Variants in FBXL7 observed in about 807,000 individuals in gnomAD.
FBXL7 encodes F-box and leucine rich repeat protein 7, also known as F-box/LRR-repeat protein 7.
In FBXL7, 12 loss-of-function variants were observed where a neutral mutation model predicts 38.3. That is an observed-to-expected ratio of 0.31 (90% confidence interval 0.20 to 0.51). The LOEUF (loss-of-function observed/expected upper bound fraction) is 0.51, where lower values mean the gene tolerates loss of function less well. Among genes scored for constraint, FBXL7 ranks in the 20% least tolerant of loss-of-function variants. The probability of loss-of-function intolerance (pLI) is 0.98; values close to 1 mark genes in which losing one functional copy is unlikely to be tolerated. For synonymous variants in FBXL7, 297 were observed against 300.9 expected (o/e 0.99, Z 0.13); for missense variants, 567 against 676.4 (o/e 0.84, Z 1.79).
chr5:15,505,687 T>C (rs185262391), intron 1 of FBXL7, among the ~76,000 whole-genome samples: 1 of 151,892 alleles, frequency 6.6e-6, no homozygotes, highest in East Asian at 1.9e-4. Flanking sequence ...TATTACATTT[T>C]AATTAGAGCA....
intron 1 of FBXL7, among the ~76,000 whole-genome samples, chr5:15,575,942 A>G (rs1738947507): frequency 6.6e-6 from 1 of 152,188 alleles, no homozygotes; most frequent in Non-Finnish European, 1.5e-5. Context: ...GGCCTTCAAA[A>G]ATACATTCTC....
At chr5:15,641,281 G>A (rs562552833) in intron 2 of FBXL7, among the ~76,000 whole-genome samples, 2 of 152,254 alleles carry the variant, frequency 1.3e-5, no homozygotes, top group South Asian at 4.1e-4. Flanking sequence ...CCCTACAGTT[G>A]GGTACATTTG....
intron 2 of FBXL7, among the ~76,000 whole-genome samples, chr5:15,729,706 A>T (rs994161107): frequency 6.6e-6 from 1 of 152,280 alleles, no homozygotes; most frequent in East Asian, 1.9e-4. Flanking sequence ...GTTACATGTG[A>T]TGTATGGAAA....
intron 1 of FBXL7, among the ~76,000 whole-genome samples, chr5:15,611,964 G>C (rs774973921): frequency 2.0e-5 from 3 of 151,636 alleles, no homozygotes; most frequent in Admixed American, 6.6e-5. Context: ...TTGGGTAACA[G>C]AGTGAGACAC....
intron 2 of FBXL7, among the ~76,000 whole-genome samples, chr5:15,840,183 C>T (rs1044464514): frequency 3.9e-5 from 6 of 152,146 alleles, no homozygotes; most frequent in Non-Finnish European, 8.8e-5. Flanking sequence ...TGTAAATATC[C>T]TAGAAGACCT....
chr5:15,513,055 T>C (rs1258249631), intron 1 of FBXL7, among the ~76,000 whole-genome samples: 1 of 152,184 alleles, frequency 6.6e-6, no homozygotes, highest in African/African-American at 2.4e-5. Context: ...CAGAAAAATA[T>C]TGTGTGTATC....
chr5:15,803,453 C>T (rs1024510741), intron 2 of FBXL7, among the ~76,000 whole-genome samples: 3 of 152,138 alleles, frequency 2.0e-5, no homozygotes, highest in African/African-American at 7.2e-5. Flanking sequence ...CTATCAATTT[C>T]GTATTGAATT....
chr5:15,915,242 C>T (rs556056562), intron 2 of FBXL7, among the ~76,000 whole-genome samples: 18 of 152,290 alleles, frequency 1.2e-4, no homozygotes, highest in African/African-American at 4.3e-4. Flanking sequence ...TACTGGCTTC[C>T]TGGGCTGCTG....
In FBXL7 at chr5:15,534,412, A is replaced by G. The variant is rs1415237337; in HGVS notation, c.37+33699A>G. Among the ~76,000 whole-genome samples the G allele has an allele frequency of 1.3e-5, 2 of 152,116 alleles. 1 individual carries two copies. The highest frequency in any genetic ancestry group is 2.9e-5 in the Non-Finnish European group (2 of 68,038). ...CAGAGTGTCATGTAGTTGAAATCAT[A>G]TAGTATGTAGCCTTTTCAGATTGGC... On this transcript the variant is annotated intron_variant, in intron 1 of 3. Coordinates refer to ENST00000504595, the MANE Select transcript of FBXL7 (RefSeq NM_012304.5).
intron 2 of FBXL7, among the ~76,000 whole-genome samples, chr5:15,703,553 C>T (rs539583653): frequency 6.6e-6 from 1 of 152,196 alleles, no homozygotes; most frequent in Non-Finnish European, 1.5e-5. Context: ...CAACTTGGAT[C>T]TGAAAATAAA....
chr5:15,643,855 G>C (rs939939538), intron 2 of FBXL7, among the ~76,000 whole-genome samples: 1 of 152,162 alleles, frequency 6.6e-6, no homozygotes, highest in African/African-American at 2.4e-5. Context: ...GTTCATGTGA[G>C]GCCATGTCAA....
At chr5:15,867,965 G>A (rs1739787525) in intron 2 of FBXL7, among the ~76,000 whole-genome samples, 1 of 152,134 alleles carries the variant, frequency 6.6e-6, no homozygotes, top group Non-Finnish European at 1.5e-5. Context: ...TTAGCCGGGT[G>A]TGGTGGTGTG....
chr5:15,610,414 T>C (rs1211217890), intron 1 of FBXL7, among the ~76,000 whole-genome samples: 1 of 152,144 alleles, frequency 6.6e-6, no homozygotes, highest in Admixed American at 6.5e-5. Flanking sequence ...AACTCCAGGG[T>C]CTAATCTGAC....
chr5:15,717,633 G>C (rs1385605372), intron 2 of FBXL7, among the ~76,000 whole-genome samples: 1 of 152,148 alleles, frequency 6.6e-6, no homozygotes, highest in East Asian at 1.9e-4. Context: ...GAAAAACTGA[G>C]CAAAAAGTTG....
At chr5:15,554,123 A>G (rs1310364400) in intron 1 of FBXL7, among the ~76,000 whole-genome samples, 1 of 152,086 alleles carries the variant, frequency 6.6e-6, no homozygotes, top group Admixed American at 6.5e-5. Flanking sequence ...GACCCACTCC[A>G]TATCCAGTCT....
chr5:15,932,177 T>G (rs1188733396), intron 3 of FBXL7, among the ~76,000 whole-genome samples: 1 of 152,158 alleles, frequency 6.6e-6, no homozygotes, highest in Non-Finnish European at 1.5e-5. Context: ...AGTGCAACAG[T>G]TAAAAATTCC....
chr5:15,654,258 T>C lies in FBXL7; in HGVS notation c.127+38186T>C, dbSNP rs527285915. On this transcript the variant is annotated intron_variant, in intron 2 of 3. Transcript: ENST00000504595. ...CAGGACAGATAAAGTTGGCAACTGA[T>C]GGAATAGCTACCTTGATGTGCAAAT... 1.2e-4 allele frequency among the ~76,000 whole-genome samples: 18 copies of C among 152,292 alleles called. No individual in the cohort carries two copies. The Middle Eastern group carries it at 0.01, about 86-fold the overall frequency.
chr5:15,767,505 G>T (rs1375440170), intron 2 of FBXL7, among the ~76,000 whole-genome samples: 1 of 152,154 alleles, frequency 6.6e-6, no homozygotes, highest in East Asian at 1.9e-4. Flanking sequence ...GGTACTTAGT[G>T]TGTACATCTT....
intron 2 of FBXL7, among the ~76,000 whole-genome samples, chr5:15,913,269 ATT>A (rs33993419): frequency 3.8e-3 from 522 of 136,546 alleles, no homozygotes; most frequent in Non-Finnish European, 6.5e-3. Flanking sequence ...TTTTTTATTA[ATT>A]TTTTTTTTTA....
Sources: allele counts gnomAD v4.1 joint callset (sites outside exome capture counted in the v4.1 genomes callset), GRCh38; gene constraint gnomAD v4.1.1; transcripts MANE v1.5; gene names NCBI Gene and HGNC (gene_info 2026-07-23, HGNC 2026-07-21).